Variants in MYLIP observed in about 807,000 individuals in gnomAD.
MYLIP encodes E3 ubiquitin-protein ligase MYLIP.
Under a neutral mutation model 45.8 loss-of-function variants are expected in MYLIP, and 26 were observed. That is an observed-to-expected ratio of 0.57 (90% confidence interval 0.42 to 0.79). MYLIP has a LOEUF of 0.79. MYLIP is among the 30% of genes least tolerant of loss of function. MYLIP has a pLI of 0.00. For synonymous variants in MYLIP, 213 were observed against 218.1 expected, an observed-to-expected ratio of 0.98 and a Z score of 0.21; for missense variants, 494 against 555.6, an observed-to-expected ratio of 0.89 and a Z score of 1.11.
chr6:16,146,609 GC>G (rs1044210793), intron 6 of MYLIP, 52 bp from the exon 7 acceptor site: 4 of 1,433,020 alleles, frequency 2.8e-6, no homozygotes, highest in Admixed American at 3.7e-5. Flanking sequence ...AGAGACACAG[GC>G]CCCCCACCGA....
At chr6:16,151,846 T>C (rs1207017822), downstream of MYLIP, among the ~76,000 whole-genome samples, 1 of 152,188 alleles carries the variant, frequency 6.6e-6, no homozygotes, top group African/African-American at 2.4e-5. Context: ...CTTGCCATAG[T>C]GCTAAGGGCA....
chr6:16,151,411 G>T (rs1482911486), downstream of MYLIP, among the ~76,000 whole-genome samples: 5 of 152,098 alleles, frequency 3.3e-5, no homozygotes, highest in East Asian at 5.8e-4. Context: ...CACCACGTTT[G>T]CATGTGCGCC....
intron 2 of MYLIP, among the ~76,000 whole-genome samples, chr6:16,134,731 C>G (rs1759516907): frequency 6.6e-6 from 1 of 152,112 alleles, no homozygotes; most frequent in Admixed American, 6.5e-5. Flanking sequence ...AAAGTAAAAA[C>G]AGTAAAAGCA....
At chr6:16,153,250 C>T in the MYLIP span, among the ~76,000 whole-genome samples, 5 of 152,192 alleles carry the variant, frequency 3.3e-5, no homozygotes, top group Admixed American at 6.5e-5. Context: ...TTTAAAAGCT[C>T]GTCTCCACAT....
the MYLIP span, among the ~76,000 whole-genome samples, chr6:16,153,656 T>C: frequency 6.6e-6 from 1 of 152,198 alleles, no homozygotes; most frequent in Non-Finnish European, 1.5e-5. Flanking sequence ...TGTTCAACAC[T>C]GGAGGCTGCT....
In MYLIP at chr6:16,130,736, G is replaced by A; in HGVS notation, c.267G>A (p.Gln89=). ...KFFVEPHLIL[Q]EQTRHIFFLH... ...TCGTGGAGCCTCATCTCATCTTACA[G>A]GAGCAGACTAGGTAAAGTGAGCTAA... is the stretch of plus-strand genomic sequence containing the variant. Residue 89 remains glutamine (Q), a synonymous_variant, in exon 2 of 7, where the codon CAG becomes CAA. Transcript: ENST00000356840. 3 of 1,613,608 alleles carry A rather than the reference G, an allele frequency of 1.9e-6. No homozygotes were observed. The highest frequency in any genetic ancestry group is 2.5e-6 in the Non-Finnish European group (3 of 1,179,822).
At chr6:16,160,680 A>C in the MYLIP span, among the ~76,000 whole-genome samples, 24 of 152,128 alleles carry the variant, frequency 1.6e-4, 1 homozygote, top group Admixed American at 6.5e-5. Flanking sequence ...CGGGTGCCTG[A>C]AATCTCAGTT....
At chr6:16,159,764 G>A in the MYLIP span, among the ~76,000 whole-genome samples, 7 of 152,182 alleles carry the variant, frequency 4.6e-5, no homozygotes, top group Admixed American at 3.9e-4. Flanking sequence ...ATACCCCCAG[G>A]CTGACTAGCT....
At position 16,129,809 on chromosome 6, in the gene MYLIP, A is replaced by C. The variant is rs1257808919; in HGVS notation, c.87+400A>C. Among the ~76,000 whole-genome samples the C allele has an allele frequency of 6.6e-6, 1 of 152,122 alleles. No homozygotes were observed. The highest frequency in any genetic ancestry group is 1.5e-5 in the Non-Finnish European group (1 of 67,998). ...CCACCCGCGTGCCAGGATGGGATGG[A>C]GTGGCTCGAAGCAGTCTCGGGCCCC... On this transcript the variant is annotated intron_variant, in intron 1 of 6. Transcript: ENST00000356840. This position sits in a 1 kb window ranked among gnomAD's most constrained non-coding sequence, Gnocchi z 5.1.
chr6:16,146,509 G>A (rs1060913), intron 6 of MYLIP, among the ~76,000 whole-genome samples, 153 bp from the exon 7 acceptor site: 29,204 of 151,998 alleles, frequency 0.19, 3,011 homozygotes, highest in South Asian at 0.29. Flanking sequence ...CCTGTGAGAC[G>A]GCAAAGATCT....
intron 4 of MYLIP, 95 bp downstream of exon 4, chr6:16,143,312 A>G (rs1192903352): frequency 8.2e-7 from 1 of 1,222,650 alleles, no homozygotes; most frequent in African/African-American, 1.5e-5. Flanking sequence ...CTCGACAGTC[A>G]GCTCTTAGGA....
the MYLIP span, among the ~76,000 whole-genome samples, chr6:16,162,249 G>T: frequency 6.6e-6 from 1 of 152,122 alleles, no homozygotes; most frequent in Non-Finnish European, 1.5e-5. Context: ...TAATAAATTC[G>T]TACTGTTTTA....
chr6:16,143,207 C>G lies in MYLIP; in HGVS notation c.652C>G (p.Pro218Ala). The G allele has an allele frequency of 6.2e-7, 1 of 1,614,024 alleles. No homozygotes were observed. Among genetic ancestry groups the G allele is most frequent in the African/African-American group, 1.3e-5 (1 of 74,980 alleles). Residue 218 changes from proline (P) to alanine (A), a missense_variant, in exon 4 of 7, where the codon CCA (proline) becomes GCA (alanine). Transcript: ENST00000356840. The stretch of plus-strand genomic sequence containing the variant: ...CTCAATTTGTAAAGATGACTTTAGC[C>G]CAATTAATAGGTAAGCCAAGACTTA... ...GISICKDDFS[P>A]INRIAYPVVQ...
chr6:16,135,143 A>G (rs1003730685), intron 2 of MYLIP, among the ~76,000 whole-genome samples: 31 of 152,288 alleles, frequency 2.0e-4, no homozygotes, highest in African/African-American at 7.5e-4. Context: ...AAAGATGATG[A>G]GGTCTGAAAA....
intron 2 of MYLIP, among the ~76,000 whole-genome samples, chr6:16,138,672 A>G (rs942561491): frequency 2.0e-5 from 3 of 152,210 alleles, no homozygotes; most frequent in African/African-American, 7.2e-5. Flanking sequence ...TGTTTACCCT[A>G]AAACCCCAGC....
intron 2 of MYLIP, among the ~76,000 whole-genome samples, chr6:16,130,997 C>T: frequency 7.2e-6 from 1 of 138,354 alleles, no homozygotes; most frequent in African/African-American, 2.8e-5. Context: ...GGGTTGAATT[C>T]TTACAAACAC....
Position 16,143,882 on chromosome 6 carries a change from T to C in MYLIP, c.827+19T>C, listed in dbSNP as rs1350217770. On this transcript the variant is annotated intron_variant, in intron 5 of 6. Coordinates refer to ENST00000356840, the MANE Select transcript of MYLIP (RefSeq NM_013262.4). ...TCTACAGGCACGTATCTCGTGTGCT[T>C]GGTCACCTCAGCACCACAGCTCTCA... 3 of 1,609,156 alleles carry C rather than the reference T, an allele frequency of 1.9e-6. No individual in the cohort carries two copies. Among genetic ancestry groups the C allele is most frequent in the Non-Finnish European group, 2.5e-6 (3 of 1,177,048 alleles).
At chr6:16,142,743 CTT>C (rs1374788076) in intron 3 of MYLIP, among the ~76,000 whole-genome samples, 3 of 152,216 alleles carry the variant, frequency 2.0e-5, no homozygotes, top group Non-Finnish European at 4.4e-5. Context: ...GTAAATTTGA[CTT>C]ATGTATATTT....
rs528758805 is a variant in MYLIP, at chr6:16,135,284, G to A, written c.278+4537G>A. Among the ~76,000 whole-genome samples the A allele has an allele frequency of 2.0e-5, 3 of 152,354 alleles. No homozygotes were observed. In the South Asian group the frequency reaches 6.2e-4, roughly 32 times the overall value. ...GCTGCCTAGATTGGTGTTTGCCTAG[G>A]ATGGGGATCTACTGTGAGTGAATAA... On this transcript the variant is annotated intron_variant, in intron 2 of 6. Transcript: ENST00000356840.
Sources: allele counts gnomAD v4.1 joint callset (sites outside exome capture counted in the v4.1 genomes callset), GRCh38; gene constraint gnomAD v4.1.1; non-coding constraint Gnocchi (gnomAD v3.1); transcripts MANE v1.5; gene names NCBI Gene and HGNC (gene_info 2026-07-23, HGNC 2026-07-21).